RGS22: variants seen among roughly 807,000 people sequenced by gnomAD.
The protein encoded by RGS22 is regulator of G-protein signaling 22.
A neutral mutation model predicts 172.9 loss-of-function variants in RGS22; 148 were observed. That is an observed-to-expected ratio of 0.86 (90% confidence interval 0.75 to 0.98). The LOEUF (loss-of-function observed/expected upper bound fraction) is 0.98. Ranked by LOEUF, RGS22 falls within the 50% of genes least tolerant of loss-of-function variation. RGS22 has a pLI of 0.00. For missense variants in RGS22, 1,347 were observed against 1,440.8 expected (o/e 0.93, Z 1.05); for synonymous variants, 458 against 480.2 (o/e 0.95, Z 0.60).
intron 14 of RGS22, among the ~76,000 whole-genome samples, chr8:100,023,426 T>C (rs575023600): frequency 7.0e-4 from 106 of 152,256 alleles, no homozygotes; most frequent in African/African-American, 2.4e-3. Context: ...ATTCTTTCTT[T>C]TTCTGTTTTT....
intron 10 of RGS22, among the ~76,000 whole-genome samples, chr8:100,049,628 A>T (rs913370432): frequency 3.9e-5 from 6 of 152,158 alleles, no homozygotes; most frequent in Non-Finnish European, 8.8e-5. Context: ...TTCATATGTT[A>T]TCAGATGATG....
chr8:99,970,403 A>G (rs1233407502), intron 23 of RGS22, among the ~76,000 whole-genome samples: 1 of 152,208 alleles, frequency 6.6e-6, no homozygotes, highest in African/African-American at 2.4e-5. Context: ...TAAAGGAGAT[A>G]CAGACATGAA....
At chr8:100,035,261 G>GA (rs566944215) in intron 14 of RGS22, among the ~76,000 whole-genome samples, 181 of 152,006 alleles carry the variant, frequency 1.2e-3, no homozygotes, top group African/African-American at 4.3e-3. Context: ...AAATTTACAA[G>GA]AAAAAAACAA....
chr8:100,056,239 G>A (rs1822233293), intron 9 of RGS22, among the ~76,000 whole-genome samples: 1 of 152,098 alleles, frequency 6.6e-6, no homozygotes, highest in Non-Finnish European at 1.5e-5. Flanking sequence ...ATGATTTAGG[G>A]TATCCGGGGG....
intron 4 of RGS22, among the ~76,000 whole-genome samples, 189 bp from the exon 5 acceptor site, chr8:100,072,419 GT>G (rs34914779): frequency 0.38 from 58,231 of 151,430 alleles, 11,692 homozygotes; most frequent in East Asian, 0.55. Flanking sequence ...CCCCTGGTAC[GT>G]TTTTAATTCT....
intron 3 of RGS22, among the ~76,000 whole-genome samples, chr8:100,087,012 A>C (rs1310038968): frequency 2.0e-5 from 3 of 152,134 alleles, no homozygotes; most frequent in Admixed American, 6.5e-5. Flanking sequence ...ACCCAGGAGA[A>C]AGAGCCCTGG....
chr8:100,072,140 A>G lies in RGS22; in HGVS notation c.425+5T>C. The G allele has an allele frequency of 6.5e-7, 1 of 1,545,226 alleles. No individual in the cohort carries two copies. The highest frequency in any genetic ancestry group is 1.1e-5 in the South Asian group (1 of 87,264). ...AAAATACATATATTGATGGGACTAT[A>G]GTACCTGTATTCAAAGTAACAATCA... On this transcript the variant is annotated splice_donor_5th_base_variant and intron_variant, in intron 5 of 27. Transcript: ENST00000360863.
intron 11 of RGS22, chr8:100,042,767 T>C (rs970509413): frequency 1.3e-5 from 2 of 152,218 alleles, no homozygotes; most frequent in African/African-American, 2.4e-5. Context: ...TTCCATTTCC[T>C]CATGTAGCCG....
chr8:100,030,795 A>T (rs559019513), intron 14 of RGS22, among the ~76,000 whole-genome samples: 8 of 152,198 alleles, frequency 5.3e-5, no homozygotes, highest in Non-Finnish European at 1.2e-4. Context: ...ACTAAAGGAT[A>T]GTCTTCAGGA....
rs1554626625 is a variant in RGS22, at chr8:100,052,121, T to TTA, written c.1689+679_1689+680dup. 5.6e-5 allele frequency among the ~76,000 whole-genome samples: 2 copies of TTA among 35,410 alleles called. 1 individual carries two copies. The highest frequency in any genetic ancestry group is 9.5e-5 in the Non-Finnish European group (2 of 21,144). 23.2% of individuals were successfully genotyped at this position (35,410 alleles called of 152,430 possible). On this transcript the variant is annotated intron_variant, in intron 10 of 27. Transcript: ENST00000360863. ...TTTATATATAAATGTTTATATATATTTATATATAAATATATAAACATATAT... is the reference window on the plus strand; with the variant it reads ...TTTATATATAAATGTTTATATATATTTATATATATAAATATATAAACATATAT...
chr8:100,044,850 T>C (rs913669450), intron 11 of RGS22, among the ~76,000 whole-genome samples: 9 of 152,150 alleles, frequency 5.9e-5, no homozygotes, highest in Non-Finnish European at 1.3e-4. Flanking sequence ...CAAACCTAGA[T>C]TTCAACTGTT....
intron 3 of RGS22, among the ~76,000 whole-genome samples, chr8:100,086,715 GA>G (rs1812190224): frequency 6.6e-6 from 1 of 151,928 alleles, no homozygotes; most frequent in East Asian, 1.9e-4. Context: ...AATAAAAGTT[GA>G]AAAGAAAAAA....
intron 3 of RGS22, 22 bp downstream of exon 3, chr8:100,093,425 T>C: frequency 1.4e-6 from 2 of 1,425,236 alleles, no homozygotes; most frequent in Non-Finnish European, 2.0e-6. Context: ...ATATATTCAA[T>C]AGATCATAAT....
At chr8:99,996,219 C>T (rs189501190) in intron 20 of RGS22, among the ~76,000 whole-genome samples, 5 of 152,164 alleles carry the variant, frequency 3.3e-5, no homozygotes, top group South Asian at 2.1e-4. Flanking sequence ...ATGTATCAAA[C>T]GTACACGTTG....
chr8:100,079,720 T>C (rs2131895158), intron 4 of RGS22, among the ~76,000 whole-genome samples: 1 of 152,130 alleles, frequency 6.6e-6, no homozygotes, highest in South Asian at 2.1e-4. Context: ...GAAAATGAAA[T>C]TTAAGGCCAG....
Position 99,996,477 on chromosome 8 carries a change from T to C in RGS22, c.3003A>G (p.Lys1001=), listed in dbSNP as rs1270863526. The part of the protein sequence containing the change: ...EELLLQKAEK[K]IGVWKPVESK... The stretch of plus-strand genomic sequence containing the variant: ...CATTACTTGCCTTCCAGACCCCGAT[T>C]TTCTTTTCAGCCTTCTGTAGTAAGA... Residue 1001 remains lysine (K), a synonymous_variant, in exon 20 of 28, where the codon AAA becomes AAG. Coordinates refer to ENST00000360863, the MANE Select transcript of RGS22 (RefSeq NM_015668.5). 3.1e-6 allele frequency: 5 copies of C among 1,613,436 alleles called. No homozygotes were observed. In the South Asian group the frequency reaches 4.4e-5, roughly 14 times the overall value.
intron 23 of RGS22, among the ~76,000 whole-genome samples, chr8:99,970,294 T>C (rs1588873719): frequency 2.0e-5 from 3 of 152,178 alleles, no homozygotes; most frequent in East Asian, 1.9e-4. Context: ...AGATCTAAAA[T>C]TGATACCCTA....
chr8:99,979,797 A>G (rs1812352981), intron 22 of RGS22, among the ~76,000 whole-genome samples: 1 of 152,222 alleles, frequency 6.6e-6, no homozygotes, highest in East Asian at 1.9e-4. Flanking sequence ...TTGGACTGCA[A>G]AGATAAATAA....
In RGS22 at chr8:100,106,045, A is replaced by T. The variant is rs1019405016; in HGVS notation, c.-124T>A. Reference sequence around the variant, plus strand: ...CGCGGGCTCCGGAGCTACGCTGGCTAGCGTGGCCGGCGCCGCGCCGGGGTT... The same window carrying T: ...CGCGGGCTCCGGAGCTACGCTGGCTTGCGTGGCCGGCGCCGCGCCGGGGTT... On this transcript the variant is annotated 5_prime_UTR_variant, in exon 1 of 28. Coordinates refer to ENST00000360863, the MANE Select transcript of RGS22 (RefSeq NM_015668.5). 4.3e-6 allele frequency: 5 copies of T among 1,169,046 alleles called. No homozygotes were observed. The highest frequency in any genetic ancestry group is 4.2e-6 in the Non-Finnish European group (4 of 948,334). The allele number at this position is 1,169,046 out of a possible 1,614,324, so 72.4% of individuals were successfully genotyped here.
Sources: allele counts gnomAD v4.1 joint callset (sites outside exome capture counted in the v4.1 genomes callset), GRCh38; gene constraint gnomAD v4.1.1; transcripts MANE v1.5; gene names NCBI Gene and HGNC (gene_info 2026-07-23, HGNC 2026-07-21).